The following CBY2 variants were observed in gnomAD, a reference collection of about 807,000 sequenced individuals.
CBY2 encodes the protein chibby family member 2.
In CBY2, 23 loss-of-function variants were observed where a neutral mutation model predicts 25.3. The ratio of observed to expected loss-of-function variants is 0.91; its 90% CI spans 0.65 to 1.29. The LOEUF (loss-of-function observed/expected upper bound fraction) is 1.29. Among genes scored for constraint, CBY2 ranks in the 50% most tolerant of loss-of-function variants. The pLI is 0.00. For missense variants in CBY2, 642 were observed against 590.7 expected (o/e 1.09, Z -0.90); for synonymous variants, 279 against 260.2 (o/e 1.07, Z -0.70).
At chr13:45,706,840 C>T (rs1950242194) in intron 2 of CBY2, among the ~76,000 whole-genome samples, 1 of 152,140 alleles carries the variant, frequency 6.6e-6, no homozygotes, top group African/African-American at 2.4e-5. Context: ...TGGCTTCTAA[C>T]ATAGGCCAAG....
At chr13:45,702,683 T>C in intron 1 of CBY2, 92 bp from the exon 2 acceptor site, 1 of 1,057,124 alleles carries the variant, frequency 9.5e-7, no homozygotes, top group Non-Finnish European at 1.4e-6. Context: ...GAGAAATAAA[T>C]GAGTAGAAAG....
In CBY2 at chr13:45,713,401, G is replaced by A; in HGVS notation, c.376G>A (p.Glu126Lys). The change falls in exon 3 of 3, where the codon GAG becomes AAG. Residue 126 changes from glutamate to lysine, a missense_variant. By Grantham distance (56) the Glu-to-Lys change is moderately conservative. Coordinates refer to ENST00000310521, the MANE Select transcript of CBY2 (RefSeq NM_152719.3). The surrounding 1 kb of genome is among the most constrained non-coding windows in gnomAD (Gnocchi z 5.0). Reference sequence around the variant, plus strand: ...CCCGCCGCGGGTGCAGCTCAGCGACGAGATGTTCGTGTTCCAGGACGGGCG... The same window carrying A: ...CCCGCCGCGGGTGCAGCTCAGCGACAAGATGTTCGTGTTCCAGGACGGGCG... ...YNPPRVQLSD[E>K]MFVFQDGRWV... 3.1e-6 allele frequency: 5 copies of A among 1,614,190 alleles called. No individual in the cohort carries two copies. Among genetic ancestry groups the A allele is most frequent in the South Asian group, 1.1e-5 (1 of 91,082 alleles).
Position 45,713,969 on chromosome 13 carries a change from C to T in CBY2, c.944C>T (p.Pro315Leu), listed in dbSNP as rs1181057262. The T allele has an allele frequency of 2.0e-6, 3 of 1,517,346 alleles. No homozygotes were observed. Among genetic ancestry groups the T allele is most frequent in the East Asian group, 2.5e-5 (1 of 40,664 alleles). 94.0% of individuals were successfully genotyped at this position (1,517,346 alleles called of 1,614,324 possible). The change falls in exon 3 of 3, where the codon CCG becomes CTG. Residue 315 changes from proline to leucine, a missense_variant. Coordinates refer to ENST00000310521, the MANE Select transcript of CBY2 (RefSeq NM_152719.3). The surrounding 1 kb of genome is among the most constrained non-coding windows in gnomAD (Gnocchi z 5.0). ...SSRFEEPKGP[P>L]ARQEDSKELR... The stretch of plus-strand genomic sequence containing the variant: ...CGCTTCGAGGAGCCCAAAGGGCCTC[C>T]GGCCCGGCAGGAGGACTCCAAGGAG...
chr13:45,713,927 G>A lies in CBY2; in HGVS notation c.902G>A (p.Gly301Asp). 6.5e-7 allele frequency: 1 copy of A among 1,534,998 alleles called. No individual in the cohort carries two copies. The highest frequency in any genetic ancestry group is 1.2e-5 in the South Asian group (1 of 83,802). Reference sequence around the variant, plus strand: ...AGCCCCGGGCTGCTGCAGGACCAGGGCTCCGGCCTCTCCTCCCGCTTCGAG... The same window carrying A: ...AGCCCCGGGCTGCTGCAGGACCAGGACTCCGGCCTCTCCTCCCGCTTCGAG... ...PCSPGLLQDQ[G>D]SGLSSRFEEP... Residue 301 changes from glycine (G) to aspartate (D), a missense_variant, in exon 3 of 3, where the codon GGC becomes GAC. By Grantham distance (94) the Gly-to-Asp change is moderately conservative. Coordinates refer to ENST00000310521, the MANE Select transcript of CBY2 (RefSeq NM_152719.3). The surrounding 1 kb of genome is among the most constrained non-coding windows in gnomAD (Gnocchi z 5.0).
intron 2 of CBY2, among the ~76,000 whole-genome samples, chr13:45,708,966 G>A (rs144838988): frequency 1.3e-5 from 2 of 152,296 alleles, no homozygotes; most frequent in African/African-American, 2.4e-5. Flanking sequence ...AACAAGAGAA[G>A]GCACAAAGCC....
rs750491821 is a variant in CBY2, at chr13:45,702,359, A to G, written c.-32A>G. The G allele has an allele frequency of 1.3e-6, 2 of 1,589,442 alleles. No individual in the cohort carries two copies. The highest frequency in any genetic ancestry group is 1.7e-6 in the Non-Finnish European group (2 of 1,157,596). Reference sequence around the variant, plus strand: ...CACCTGTGATGCTCAGAGAGAAACCATGAGCCCTGAAAAACACCATATTGT... The same window carrying G: ...CACCTGTGATGCTCAGAGAGAAACCGTGAGCCCTGAAAAACACCATATTGT... On this transcript the variant is annotated 5_prime_UTR_variant, in exon 1 of 3. The change abolishes an upstream ATG in the 5' untranslated region. Transcript: ENST00000310521.
intron 2 of CBY2, among the ~76,000 whole-genome samples, chr13:45,709,625 T>G (rs928746404): frequency 6.6e-6 from 1 of 152,144 alleles, no homozygotes. Context: ...GATGACACAA[T>G]GTCACTTTGC....
chr13:45,710,815 A>ACAAAGTTAATGACATGTGCTTATTG (rs1473223101), intron 2 of CBY2, among the ~76,000 whole-genome samples: 2 of 152,230 alleles, frequency 1.3e-5, no homozygotes, highest in African/African-American at 2.4e-5. Context: ...GCGTATCCTT[A>ACAAAGTTAATGACATGTGCTTATTG]CAAAGTTAAT....
chr13:45,704,767 C>T lies in CBY2; in HGVS notation c.156+1912C>T, dbSNP rs1427834403. Among the ~76,000 whole-genome samples, 3 of 152,270 alleles carry T rather than the reference C, an allele frequency of 2.0e-5. No individual in the cohort carries two copies. In the South Asian group the frequency reaches 6.2e-4, roughly 32 times the overall value. ...GAACCCCACTAGTAATGGCAGAGCTCGAGGAAGGGGCTTGAACTCAAATCA... is the reference window on the plus strand; with the variant it reads ...GAACCCCACTAGTAATGGCAGAGCTTGAGGAAGGGGCTTGAACTCAAATCA... On this transcript the variant is annotated intron_variant, in intron 2 of 2. Transcript: ENST00000310521. This position sits in a 1 kb window ranked among gnomAD's most constrained non-coding sequence, Gnocchi z 4.1.
chr13:45,713,079 A>G lies in CBY2; in HGVS notation c.157-103A>G. 1 of 950,074 alleles carries G rather than the reference A, an allele frequency of 1.1e-6. No homozygotes were observed. Among genetic ancestry groups the G allele is most frequent in the South Asian group, 1.7e-5 (1 of 58,616 alleles). 58.9% of individuals were successfully genotyped at this position (950,074 alleles called of 1,614,324 possible). A position where few individuals can be genotyped will look rare whatever the true frequency, so the allele number is the denominator to read the frequency against. On this transcript the variant is annotated intron_variant, in intron 2 of 2. Transcript: ENST00000310521. This position sits in a 1 kb window ranked among gnomAD's most constrained non-coding sequence, Gnocchi z 5.0. ...AGCGCCCACTGTGGCCAGGCCAGAC[A>G]ATCAGACGGGGCTTATTTGGGGATG...
At chr13:45,702,968 T>C in intron 2 of CBY2, 113 bp downstream of exon 2, 1 of 1,163,218 alleles carries the variant, frequency 8.6e-7, no homozygotes, top group Middle Eastern at 2.0e-4. Flanking sequence ...TAGTCAGGGC[T>C]TCAGATTATA....
intron 1 of CBY2, 56 bp from the exon 2 acceptor site, chr13:45,702,719 G>C: frequency 2.1e-6 from 3 of 1,401,696 alleles, no homozygotes; most frequent in Non-Finnish European, 2.0e-6. Flanking sequence ...GCGAGCAATT[G>C]AGGCCCAGAG....
At chr13:45,702,926 A>G in intron 2 of CBY2, 71 bp downstream of exon 2, 1 of 1,321,374 alleles carries the variant, frequency 7.6e-7, no homozygotes, top group East Asian at 2.3e-5. Flanking sequence ...CTCCTTCAAA[A>G]CTCTAGCAAG....
At position 45,713,192 on chromosome 13, in the gene CBY2, C is replaced by A; in HGVS notation, c.167C>A (p.Ala56Asp). ...ISVVLPQRGT[A>D]EPFPRLHNLY... ...CATTCTCTCCCGCAGAGGGGCACAGCCGAACCCTTCCCGAGGCTCCACAAC... is the reference window on the plus strand; with the variant it reads ...CATTCTCTCCCGCAGAGGGGCACAGACGAACCCTTCCCGAGGCTCCACAAC... The change falls in exon 3 of 3, where the codon GCC becomes GAC. Residue 56 changes from alanine (A) to aspartate (D), a missense_variant. Physicochemically the swap from Ala to Asp is moderately radical, Grantham distance 126. Transcript: ENST00000310521. This position sits in a 1 kb window ranked among gnomAD's most constrained non-coding sequence, Gnocchi z 5.0. 2 of 1,610,758 alleles carry A rather than the reference C, an allele frequency of 1.2e-6. No individual in the cohort carries two copies. Among genetic ancestry groups the A allele is most frequent in the Non-Finnish European group, 1.7e-6 (2 of 1,178,348 alleles).
At position 45,707,464 on chromosome 13, in the gene CBY2, A is replaced by C. The variant is rs151328741; in HGVS notation, c.156+4609A>C. Among the ~76,000 whole-genome samples, 201 of 152,302 alleles carry C rather than the reference A, an allele frequency of 1.3e-3. 1 individual carries two copies. Among genetic ancestry groups the C allele is most frequent in the African/African-American group, 4.6e-3 (193 of 41,576 alleles). The stretch of plus-strand genomic sequence containing the variant: ...CCATTTTTGTAGGCCAAAAATGGTA[A>C]AATGTTAACAGTTTCTTATGGTTCA... On this transcript the variant is annotated intron_variant, in intron 2 of 2. Coordinates refer to ENST00000310521, the MANE Select transcript of CBY2 (RefSeq NM_152719.3).
In CBY2 at chr13:45,704,682, G is replaced by T. The variant is rs1950230385; in HGVS notation, c.156+1827G>T. Among the ~76,000 whole-genome samples, 1 of 152,216 alleles carries T rather than the reference G, an allele frequency of 6.6e-6. No homozygotes were observed. The highest frequency in any genetic ancestry group is 2.4e-5 in the African/African-American group (1 of 41,458). On this transcript the variant is annotated intron_variant, in intron 2 of 2. Coordinates refer to ENST00000310521, the MANE Select transcript of CBY2 (RefSeq NM_152719.3). This position sits in a 1 kb window ranked among gnomAD's most constrained non-coding sequence, Gnocchi z 4.1. ...GAATGTTGGTGCGATCATGTGTCGG[G>T]CATGGGGCCAAGCAAGTGTGAGGTA...
chr13:45,710,171 G>C (rs1307565763), intron 2 of CBY2, among the ~76,000 whole-genome samples: 1 of 152,124 alleles, frequency 6.6e-6, no homozygotes, highest in Admixed American at 6.6e-5. Flanking sequence ...GATAGCTTCT[G>C]GAGTCAAATC....
chr13:45,713,750 AG>A lies in CBY2; in HGVS notation c.727del (p.Glu243ArgfsTer117). The A allele has an allele frequency of 6.2e-7, 1 of 1,610,454 alleles. No homozygotes were observed. The highest frequency in any genetic ancestry group is 8.5e-7 in the Non-Finnish European group (1 of 1,179,220). On this transcript the variant is annotated frameshift_variant, in exon 3 of 3. Transcript: ENST00000310521. LOFTEE classifies it high-confidence loss of function. The surrounding 1 kb of genome is among the most constrained non-coding windows in gnomAD (Gnocchi z 5.0). ...DHVALQVPRG[K>X]EDSTLQLLRE... ...GTCGCCCTGCAGGTGCCCCGTGGCA[AG>A]GAGGACAGCACCCTGCAGCTCCTCC...
chr13:45,709,691 A>G (rs554179232), intron 2 of CBY2, among the ~76,000 whole-genome samples: 1 of 152,350 alleles, frequency 6.6e-6, no homozygotes, highest in South Asian at 2.1e-4. Context: ...AGGCCTGGTG[A>G]AACAAGTGTG....
Sources: allele counts gnomAD v4.1 joint callset (sites outside exome capture counted in the v4.1 genomes callset), GRCh38; gene constraint gnomAD v4.1.1; non-coding constraint Gnocchi (gnomAD v3.1); transcripts MANE v1.5; gene names NCBI Gene and HGNC (gene_info 2026-07-23, HGNC 2026-07-21).